SLC25A26: variants seen among roughly 807,000 people sequenced by gnomAD.
The protein encoded by SLC25A26 is solute carrier family 25 member 26, also known as mitochondrial S-adenosylmethionine carrier protein.
SLC25A26 carries 36 observed loss-of-function variants against 37.8 expected under a neutral mutation model. The ratio of observed to expected loss-of-function variants is 0.95; its 90% CI spans 0.73 to 1.26. The LOEUF is 1.26. Among genes scored for constraint, SLC25A26 ranks in the 50% most tolerant of loss-of-function variants. The probability of loss-of-function intolerance (pLI) is 0.00; values close to 1 mark genes in which losing one functional copy is unlikely to be tolerated. For synonymous variants in SLC25A26, 129 were observed against 122.5 expected (o/e 1.05, Z -0.35); for missense variants, 390 against 331.1 (o/e 1.18, Z -1.38).
At chr3:66,361,779 C>T (rs1328385778) in intron 6 of SLC25A26, among the ~76,000 whole-genome samples, 1 of 152,144 alleles carries the variant, frequency 6.6e-6, no homozygotes, top group Non-Finnish European at 1.5e-5. Flanking sequence ...GCCTGGCCAA[C>T]ATGGTGAAAC....
chr3:66,347,784 C>A (rs2076360071), intron 6 of SLC25A26, among the ~76,000 whole-genome samples: 1 of 152,184 alleles, frequency 6.6e-6, no homozygotes, highest in African/African-American at 2.4e-5. Flanking sequence ...CCACGGAATA[C>A]TATGCAGCCA....
intron 5 of SLC25A26, among the ~76,000 whole-genome samples, chr3:66,329,512 A>G (rs1421321825): frequency 6.6e-6 from 1 of 151,716 alleles, no homozygotes; most frequent in Non-Finnish European, 1.5e-5. Context: ...TTTTTTCCCT[A>G]TTTCCTTACC....
intron 5 of SLC25A26, among the ~76,000 whole-genome samples, chr3:66,325,076 A>C (rs1050178822): frequency 5.3e-5 from 8 of 152,114 alleles, no homozygotes; most frequent in African/African-American, 1.9e-4. Flanking sequence ...ATTTTTCTTT[A>C]TGTTGGAGGA....
At chr3:66,347,996 G>A (rs1480595201) in intron 6 of SLC25A26, among the ~76,000 whole-genome samples, 1 of 152,146 alleles carries the variant, frequency 6.6e-6, no homozygotes, top group Non-Finnish European at 1.5e-5. Context: ...GGGAAGGAGA[G>A]CATCAGGAAA....
intron 5 of SLC25A26, among the ~76,000 whole-genome samples, chr3:66,314,973 C>A (rs1165462580): frequency 6.6e-6 from 1 of 151,284 alleles, no homozygotes; most frequent in East Asian, 1.9e-4. Flanking sequence ...AGTGATATCC[C>A]CTTTATCACT....
At chr3:66,257,182 T>C (rs1480635570) in intron 3 of SLC25A26, among the ~76,000 whole-genome samples, 1 of 152,114 alleles carries the variant, frequency 6.6e-6, no homozygotes, top group African/African-American at 2.4e-5. Flanking sequence ...GGAGGGAATC[T>C]TTTGAGGTTA....
chr3:66,259,537 A>G (rs1292986800), intron 3 of SLC25A26, among the ~76,000 whole-genome samples: 2 of 152,160 alleles, frequency 1.3e-5, no homozygotes, highest in Non-Finnish European at 2.9e-5. Flanking sequence ...AAACAGAAGC[A>G]TCTTACTGTC....
chr3:66,272,867 T>G (rs910889080), intron 5 of SLC25A26, among the ~76,000 whole-genome samples: 7 of 152,222 alleles, frequency 4.6e-5, no homozygotes. Flanking sequence ...CGCTGTCTTG[T>G]GCCAGTTTTC....
intron 5 of SLC25A26, among the ~76,000 whole-genome samples, chr3:66,337,473 A>G (rs2076115824): frequency 6.6e-6 from 1 of 152,154 alleles, no homozygotes; most frequent in African/African-American, 2.4e-5. Flanking sequence ...AATTCTCTGC[A>G]TTAGAAAGAA....
rs142319645 is a variant in SLC25A26, at chr3:66,245,015, A to T, written c.300+1703A>T. Among the ~76,000 whole-genome samples the T allele has an allele frequency of 2.5e-3, 376 of 152,086 alleles. 2 individuals are homozygous for T. The highest frequency in any genetic ancestry group is 8.3e-3 in the African/African-American group (344 of 41,528). ...ACAAACAAAAAACTCTTTTGTAAAT[A>T]ATTTCAGTCAAAGTAGAACACAGTA... On this transcript the variant is annotated intron_variant, in intron 3 of 9. Transcript: ENST00000354883.
At chr3:66,135,559 C>T (rs1266452409) in intron 1 of SLC25A26, among the ~76,000 whole-genome samples, 3 of 152,108 alleles carry the variant, frequency 2.0e-5, no homozygotes, top group African/African-American at 4.8e-5. Context: ...CTTGAGCTCA[C>T]GAGTTTGAGA....
intron 5 of SLC25A26, among the ~76,000 whole-genome samples, chr3:66,281,948 G>A (rs573274129): frequency 6.2e-5 from 9 of 146,160 alleles, no homozygotes; most frequent in Non-Finnish European, 1.2e-4. Context: ...TCAGCCTCCC[G>A]AGTAACTGGG....
intron 5 of SLC25A26, among the ~76,000 whole-genome samples, chr3:66,272,957 G>A (rs1209229343): frequency 6.6e-6 from 1 of 152,012 alleles, no homozygotes; most frequent in Non-Finnish European, 1.5e-5. Context: ...ATTATTTTGA[G>A]ATAAGTCCCA....
intron 6 of SLC25A26, among the ~76,000 whole-genome samples, chr3:66,360,388 C>T (rs1190155976): frequency 1.3e-5 from 2 of 151,940 alleles, no homozygotes; most frequent in Non-Finnish European, 2.9e-5. Flanking sequence ...CTACTCAATT[C>T]AGTAAGGCAA....
At chr3:66,167,643 G>A (rs919169785) in intron 1 of SLC25A26, among the ~76,000 whole-genome samples, 1 of 152,138 alleles carries the variant, frequency 6.6e-6, no homozygotes, top group African/African-American at 2.4e-5. Flanking sequence ...AATGTTCTCT[G>A]GGAGCTAACA....
At chr3:66,144,600 A>G (rs2070087261) in intron 1 of SLC25A26, among the ~76,000 whole-genome samples, 2 of 152,146 alleles carry the variant, frequency 1.3e-5, no homozygotes, top group Admixed American at 1.3e-4. Flanking sequence ...TAAGAAGCAT[A>G]CCATAATGCC....
chr3:66,175,107 GTGTATATATATATA>G (rs1162500928), intron 1 of SLC25A26, among the ~76,000 whole-genome samples: 3 of 80,544 alleles, frequency 3.7e-5, no homozygotes, highest in South Asian at 4.0e-4. Flanking sequence ...ATATGTGTGT[GTGTATATATATATA>G]TATATATATA....
intron 7 of SLC25A26, among the ~76,000 whole-genome samples, chr3:66,367,176 T>G (rs1316422101): frequency 6.6e-6 from 1 of 152,186 alleles, no homozygotes; most frequent in Non-Finnish European, 1.5e-5. Flanking sequence ...TTAATTATTT[T>G]GTGATTACTG....
chr3:66,315,753 C>G lies in SLC25A26; in HGVS notation c.454-30611C>G, dbSNP rs116500991. Among the ~76,000 whole-genome samples, 196 of 152,262 alleles carry G rather than the reference C, an allele frequency of 1.3e-3. 4 individuals are homozygous for G. The highest frequency in any genetic ancestry group is 4.6e-3 in the African/African-American group (193 of 41,560). On this transcript the variant is annotated intron_variant, in intron 5 of 9. Coordinates refer to ENST00000354883, the MANE Select transcript of SLC25A26 (RefSeq NM_001379210.1). ...TATACTTGTGTGGGAGTGTAAATCTCTTTGTAGGTATCTAAGAACTTGTTT... is the reference window on the plus strand; with the variant it reads ...TATACTTGTGTGGGAGTGTAAATCTGTTTGTAGGTATCTAAGAACTTGTTT...
Sources: gnomAD v4.1 joint callset for allele counts (sites outside exome capture counted in the v4.1 genomes callset) on GRCh38, gnomAD v4.1.1 for gene constraint, MANE v1.5 for transcripts, NCBI Gene and HGNC (gene_info 2026-07-23, HGNC 2026-07-21) for gene names.